The following KANK3 variants were observed in gnomAD, a reference collection of about 807,000 sequenced individuals.
KANK3 encodes KN motif and ankyrin repeat domains 3.
KANK3 carries 61 observed loss-of-function variants against 65.4 expected under a neutral mutation model. That is an observed-to-expected ratio of 0.93 (90% CI 0.76 to 1.15). The LOEUF (loss-of-function observed/expected upper bound fraction) is 1.15. KANK3 is among the 50% of genes most tolerant of loss of function. KANK3 has a pLI of 0.00. For synonymous variants in KANK3, 586 were observed against 543.3 expected, an observed-to-expected ratio of 1.08 and a Z score of -1.09; for missense variants, 1,187 against 1,178.8, an observed-to-expected ratio of 1.01 and a Z score of -0.10.
rs890852 is a variant in KANK3, at chr19:8,334,825, C to A, written c.1002G>T (p.Val334=). The A allele has an allele frequency of 0.2, 295,832 of 1,488,742 alleles. 31,259 individuals are homozygous for A. Among genetic ancestry groups the A allele is most frequent in the Non-Finnish European group, 0.22 (248,058 of 1,127,828 alleles). 92.2% of individuals were successfully genotyped at this position (1,488,742 alleles called of 1,614,324 possible). A position where few individuals can be genotyped will look rare whatever the true frequency, so the allele number is the denominator to read the frequency against. The change falls in exon 3 of 11, where the codon GTG becomes GTT. Residue 334 remains valine (V), a synonymous_variant. Transcript: ENST00000330915. ...EAGVEAAPET[V]EADAWVTEAL... ...CCTCGGTCACCCACGCGTCCGCCTC[C>A]ACGGTCTCGGGGGCAGCCTCCACGC...
intron 7 of KANK3, among the ~76,000 whole-genome samples, chr19:8,325,637 C>G (rs1970414491): frequency 6.6e-6 from 1 of 152,074 alleles, no homozygotes; most frequent in Non-Finnish European, 1.5e-5. Context: ...TTCTGTATCC[C>G]TCAGTACTTA....
Position 8,322,790 on chromosome 19 carries a change from GA to G in KANK3, c.*48del. 7.1e-7 allele frequency: 1 copy of G among 1,405,032 alleles called. No homozygotes were observed. The highest frequency in any genetic ancestry group is 1.0e-6 in the Non-Finnish European group (1 of 996,080). 87.0% of individuals were successfully genotyped at this position (1,405,032 alleles called of 1,614,324 possible). A position where few individuals can be genotyped will look rare whatever the true frequency, so the allele number is the denominator to read the frequency against. On this transcript the variant is annotated 3_prime_UTR_variant, in exon 11 of 11. Coordinates refer to ENST00000330915, the MANE Select transcript of KANK3 (RefSeq NM_198471.3). ...CTGTGCGCCAAAGGCTGAGGTGACT[GA>G]CGAGGAGATCTCCCCACAGCTAGGT...
chr19:8,326,016 G>T (rs1209854482), intron 7 of KANK3, among the ~76,000 whole-genome samples: 3 of 151,952 alleles, frequency 2.0e-5, no homozygotes, highest in Admixed American at 2.0e-4. Context: ...TAGTAGAGAC[G>T]GTTTCACCAT....
intron 1 of KANK3, among the ~76,000 whole-genome samples, chr19:8,340,275 C>CATATATATATATATATATAT (rs1555684729): frequency 2.0e-4 from 13 of 66,068 alleles, no homozygotes; most frequent in African/African-American, 6.9e-4. Flanking sequence ...AAAAAAAAAC[C>CATATATATATATATATATAT]ATATATATAT....
intron 2 of KANK3, 23 bp downstream of exon 2, chr19:8,337,769 ACAC>A (rs1296098974): frequency 6.2e-7 from 1 of 1,611,054 alleles, no homozygotes; most frequent in East Asian, 2.2e-5. Flanking sequence ...GCACACACAC[ACAC>A]ATCTCTCTTT....
At chr19:8,342,507 C>T (rs888374686) in intron 1 of KANK3, among the ~76,000 whole-genome samples, 1 of 152,196 alleles carries the variant, frequency 6.6e-6, no homozygotes, top group Non-Finnish European at 1.5e-5. Flanking sequence ...GCCACACGCC[C>T]CCTCTCCCGC....
intron 1 of KANK3, among the ~76,000 whole-genome samples, chr19:8,341,541 G>T (rs1042507009): frequency 2.6e-5 from 4 of 152,170 alleles, no homozygotes; most frequent in African/African-American, 7.2e-5. Context: ...CTCCCAAGCA[G>T]CTGGGATTAC....
chr19:8,328,123 C>A (rs1278158968), intron 7 of KANK3, among the ~76,000 whole-genome samples: 1 of 151,946 alleles, frequency 6.6e-6, no homozygotes, highest in Non-Finnish European at 1.5e-5. Context: ...ACTAAAAATA[C>A]AAAAATTAGC....
intron 1 of KANK3, among the ~76,000 whole-genome samples, chr19:8,341,988 T>G (rs1283009100): frequency 6.6e-6 from 1 of 152,126 alleles, no homozygotes; most frequent in Non-Finnish European, 1.5e-5. Flanking sequence ...GCCACTACAC[T>G]TGAATGCTTT....
At chr19:8,340,261 CAA>C (rs369050763) in intron 1 of KANK3, among the ~76,000 whole-genome samples, 1 of 61,864 alleles carries the variant, frequency 1.6e-5, no homozygotes, top group Non-Finnish European at 3.3e-5. Flanking sequence ...GACTCCGTCT[CAA>C]AAAAAAAAAA....
rs1033507828 is a variant in KANK3, at chr19:8,335,028, G to T, written c.799C>A (p.Pro267Thr). Residue 267 changes from proline (P) to threonine (T), a missense_variant, in exon 3 of 11, where the codon CCC (proline) becomes ACC (threonine). Pro to Thr is a conservative substitution (Grantham distance 38). Coordinates refer to ENST00000330915, the MANE Select transcript of KANK3 (RefSeq NM_198471.3). Reference protein sequence around the residue: ...SERGGRARASPRADSPDGLAA... With the variant: ...SERGGRARASTRADSPDGLAA... Reference sequence around the variant, plus strand: ...AGGCCGTCTGGGCTGTCAGCCCGGGGGCTGGCCCTGGCACGGCCGCCGCGC... The same window carrying T: ...AGGCCGTCTGGGCTGTCAGCCCGGGTGCTGGCCCTGGCACGGCCGCCGCGC... The T allele has an allele frequency of 6.4e-6, 9 of 1,415,156 alleles. No individual in the cohort carries two copies. In the African/African-American group the frequency reaches 1.4e-4, roughly 21 times the overall value. 87.7% of individuals were successfully genotyped at this position (1,415,156 alleles called of 1,614,324 possible).
chr19:8,341,897 T>C (rs1970726921), intron 1 of KANK3, among the ~76,000 whole-genome samples: 1 of 152,240 alleles, frequency 6.6e-6, no homozygotes, highest in Non-Finnish European at 1.5e-5. Context: ...ACAGAACAGT[T>C]TAGTGTCCTG....
At chr19:8,330,096 G>T (rs985862656) in intron 7 of KANK3, among the ~76,000 whole-genome samples, 1 of 152,104 alleles carries the variant, frequency 6.6e-6, no homozygotes, top group African/African-American at 2.4e-5. Context: ...TCCAAGGTAG[G>T]GTTTGAGAAG....
chr19:8,326,598 T>C (rs1017772970), intron 7 of KANK3, among the ~76,000 whole-genome samples: 3 of 140,586 alleles, frequency 2.1e-5, no homozygotes, highest in African/African-American at 8.1e-5. Flanking sequence ...TCATCCTGGC[T>C]AACTCAGTGA....
Position 8,333,048 on chromosome 19 carries a change from C to T in KANK3, c.1902G>A (p.Gly634=). The change falls in exon 7 of 11, where the codon GGG becomes GGA. Residue 634 remains glycine (G), a synonymous_variant. Transcript: ENST00000330915. The surrounding 1 kb of genome is among the most constrained non-coding windows in gnomAD (Gnocchi z 5.0). ...NTALHYSVSH[G]NLAIASLLLD... is the part of the protein sequence containing the mutation. ...GGAGCAGGCTTGCGATGGCCAGGTT[C>T]CCGTGGGACACACTGTAGTGCAGGG... 3 of 1,362,348 alleles carry T rather than the reference C, an allele frequency of 2.2e-6. No homozygotes were observed. The highest frequency in any genetic ancestry group is 2.9e-6 in the Non-Finnish European group (3 of 1,029,032). The allele number at this position is 1,362,348 out of a possible 1,614,324, so 84.4% of individuals were successfully genotyped here.
At chr19:8,338,438 G>A (rs1326604224) in intron 1 of KANK3, among the ~76,000 whole-genome samples, 2 of 152,142 alleles carry the variant, frequency 1.3e-5, no homozygotes, top group African/African-American at 4.8e-5. Context: ...GAAAACAAGG[G>A]TAGCTGGGAG....
At chr19:8,341,018 C>T (rs887374141) in intron 1 of KANK3, among the ~76,000 whole-genome samples, 3 of 152,176 alleles carry the variant, frequency 2.0e-5, no homozygotes, top group African/African-American at 7.2e-5. Flanking sequence ...CGTCCTCCTC[C>T]GGTGACCTGG....
chr19:8,329,218 T>G (rs1396599609), intron 7 of KANK3, among the ~76,000 whole-genome samples: 4 of 145,124 alleles, frequency 2.8e-5, no homozygotes, highest in Non-Finnish European at 6.0e-5. Flanking sequence ...TGGGTGCGGT[T>G]GCTCACTCCT....
At chr19:8,323,708 C>T (rs552671635) in intron 10 of KANK3, among the ~76,000 whole-genome samples, 26 of 152,202 alleles carry the variant, frequency 1.7e-4, no homozygotes, top group African/African-American at 5.8e-4. Flanking sequence ...ACTCTAGCCT[C>T]GGTGACAGAG....
Sources: gnomAD v4.1 joint callset for allele counts (sites outside exome capture counted in the v4.1 genomes callset) on GRCh38, gnomAD v4.1.1 for gene constraint, Gnocchi (gnomAD v3.1) non-coding constraint, MANE v1.5 for transcripts, NCBI Gene and HGNC (gene_info 2026-07-23, HGNC 2026-07-21) for gene names.